ADCY8: variants seen among roughly 807,000 people sequenced by gnomAD.
ADCY8 encodes adenylate cyclase type 8.
In ADCY8, 51 loss-of-function variants were observed where a neutral mutation model predicts 119.7. That is an observed-to-expected ratio of 0.43 (90% CI 0.34 to 0.54). The LOEUF (loss-of-function observed/expected upper bound fraction) is 0.54. Ranked by LOEUF, ADCY8 falls within the 20% of genes least tolerant of loss-of-function variation. The probability of loss-of-function intolerance (pLI) is 0.03; values close to 1 mark genes in which losing one functional copy is unlikely to be tolerated. For missense variants in ADCY8, 1,383 were observed against 1,598.8 expected (o/e 0.87, Z 2.30); for synonymous variants, 665 against 651.0 (o/e 1.02, Z -0.33).
At chr8:130,799,984 C>T (rs781694921) in intron 15 of ADCY8, among the ~76,000 whole-genome samples, 55 of 152,180 alleles carry the variant, frequency 3.6e-4, no homozygotes, top group African/African-American at 1.3e-3. Flanking sequence ...AGGAAGAAAC[C>T]GCTATCTGTA....
chr8:130,801,762 A>G (rs924454162), intron 14 of ADCY8, among the ~76,000 whole-genome samples: 2 of 152,160 alleles, frequency 1.3e-5, no homozygotes, highest in African/African-American at 4.8e-5. Context: ...AAATCAATGC[A>G]CACATGTAAG....
chr8:130,972,780 T>C (rs1045883816), intron 2 of ADCY8, among the ~76,000 whole-genome samples: 27 of 152,124 alleles, frequency 1.8e-4, no homozygotes, highest in Non-Finnish European at 3.5e-4. Flanking sequence ...AATTTTATTC[T>C]GGAGTATGAC....
At chr8:130,822,569 TCCATCCATCCA>T in intron 12 of ADCY8, among the ~76,000 whole-genome samples, 1 of 151,816 alleles carries the variant, frequency 6.6e-6, no homozygotes, top group Non-Finnish European at 1.5e-5. Flanking sequence ...CATCCATCCA[TCCATCCATCCA>T]TCCATCCATC....
intron 5 of ADCY8, among the ~76,000 whole-genome samples, chr8:130,913,799 T>G (rs1015748523): frequency 5.9e-5 from 9 of 152,224 alleles, no homozygotes; most frequent in African/African-American, 2.2e-4. Flanking sequence ...ATTGATGTTT[T>G]CCTTATTACA....
intron 12 of ADCY8, among the ~76,000 whole-genome samples, chr8:130,824,854 G>A (rs1218976974): frequency 6.6e-6 from 1 of 152,166 alleles, no homozygotes; most frequent in Non-Finnish European, 1.5e-5. Context: ...CCTTCTGAGT[G>A]CAGAGCCCTA....
At chr8:130,791,750 A>C (rs975186789) in intron 15 of ADCY8, among the ~76,000 whole-genome samples, 1 of 152,014 alleles carries the variant, frequency 6.6e-6, no homozygotes. Flanking sequence ...GTGGGGAGGA[A>C]CTCTCAGTGC....
intron 14 of ADCY8, among the ~76,000 whole-genome samples, chr8:130,800,804 C>T (rs1815753548): frequency 6.6e-6 from 1 of 152,168 alleles, no homozygotes; most frequent in Non-Finnish European, 1.5e-5. Context: ...TCTCACAGTT[C>T]TGGAGGCTAA....
At chr8:130,811,656 G>C (rs1313652457) in intron 14 of ADCY8, among the ~76,000 whole-genome samples, 1 of 152,188 alleles carries the variant, frequency 6.6e-6, no homozygotes, top group Non-Finnish European at 1.5e-5. Context: ...CTCAGCAAGG[G>C]AGCCCACTAC....
At chr8:130,963,092 C>A (rs901963089) in intron 2 of ADCY8, among the ~76,000 whole-genome samples, 10 of 151,570 alleles carry the variant, frequency 6.6e-5, no homozygotes, top group Non-Finnish European at 1.5e-4. Context: ...GTAGTGAAGA[C>A]CCAAGCCCGT....
intron 17 of ADCY8, 73 bp downstream of exon 17, chr8:130,783,618 C>A (rs960925632): frequency 1.5e-5 from 16 of 1,076,792 alleles, no homozygotes; most frequent in Non-Finnish European, 2.2e-5. Flanking sequence ...TGGATTGATG[C>A]CCAAGGCAGG....
intron 5 of ADCY8, among the ~76,000 whole-genome samples, chr8:130,936,784 C>T (rs574384325): frequency 2.0e-5 from 3 of 152,254 alleles, no homozygotes; most frequent in South Asian, 4.1e-4. Flanking sequence ...ACTGTAACAT[C>T]CCTGAAGGTA....
At chr8:130,850,339 T>C (rs1170849762) in intron 9 of ADCY8, among the ~76,000 whole-genome samples, 1 of 152,138 alleles carries the variant, frequency 6.6e-6, no homozygotes, top group Non-Finnish European at 1.5e-5. Context: ...TCAGCATCAC[T>C]CTCGAGTTTA....
At chr8:130,904,894 T>C (rs1225943974) in intron 6 of ADCY8, among the ~76,000 whole-genome samples, 1 of 152,190 alleles carries the variant, frequency 6.6e-6, no homozygotes, top group Non-Finnish European at 1.5e-5. Flanking sequence ...ATACTACTTA[T>C]TGCGTTATAG....
At chr8:130,927,011 G>A (rs1006454944) in intron 5 of ADCY8, among the ~76,000 whole-genome samples, 2 of 150,722 alleles carry the variant, frequency 1.3e-5, no homozygotes, top group African/African-American at 4.9e-5. Context: ...GGACATTCAG[G>A]TTGATTGCAT....
intron 11 of ADCY8, among the ~76,000 whole-genome samples, 175 bp downstream of exon 11, chr8:130,847,249 G>A (rs1254775454): frequency 6.6e-6 from 1 of 151,964 alleles, no homozygotes; most frequent in Non-Finnish European, 1.5e-5. Flanking sequence ...AAAATATAAG[G>A]GGAGAAGGAA....
intron 8 of ADCY8, among the ~76,000 whole-genome samples, chr8:130,875,030 T>A (rs1818509291): frequency 1.3e-5 from 2 of 152,152 alleles, no homozygotes; most frequent in Non-Finnish European, 2.9e-5. Flanking sequence ...ATTACACTGT[T>A]ATAGGTGAAA....
At chr8:130,792,176 C>A (rs867805600) in intron 15 of ADCY8, among the ~76,000 whole-genome samples, 10 of 152,172 alleles carry the variant, frequency 6.6e-5, no homozygotes, top group African/African-American at 1.7e-4. Context: ...GGGCTCTACT[C>A]CTGTTTATAC....
chr8:130,794,532 G>A (rs976789702), intron 15 of ADCY8, among the ~76,000 whole-genome samples: 6 of 152,154 alleles, frequency 3.9e-5, no homozygotes, highest in South Asian at 4.1e-4. Context: ...CATGAGCCAC[G>A]ACGGCCAGCC....
At chr8:131,039,270 C>G in intron 1 of ADCY8, 104 bp downstream of exon 1, 1 of 1,482,294 alleles carries the variant, frequency 6.7e-7, no homozygotes, top group South Asian at 1.3e-5. Context: ...AGACTGAAGG[C>G]GGAGACTTAA....
Sources: gnomAD v4.1 joint callset for allele counts (sites outside exome capture counted in the v4.1 genomes callset) on GRCh38, gnomAD v4.1.1 for gene constraint, MANE v1.5 for transcripts, NCBI Gene and HGNC (gene_info 2026-07-23, HGNC 2026-07-21) for gene names.